The following SUPT3H variants were observed in gnomAD, a reference collection of about 807,000 sequenced individuals.
The protein encoded by SUPT3H is SPT3 homolog, SAGA and STAGA complex component.
Under a neutral mutation model 44.3 loss-of-function variants are expected in SUPT3H, and 44 were observed. The ratio of observed to expected loss-of-function variants is 0.99; its 90% CI spans 0.78 to 1.28. The LOEUF is 1.28. Ranked by LOEUF, SUPT3H falls within the 50% of genes most tolerant of loss-of-function variation. The probability of loss-of-function intolerance (pLI) is 0.00; values close to 1 mark genes in which losing one functional copy is unlikely to be tolerated. For missense variants in SUPT3H, 380 were observed against 387.1 expected (o/e 0.98, Z 0.15); for synonymous variants, 124 against 125.6 (o/e 0.99, Z 0.09).
At chr6:44,914,843 G>A (rs946328310) in intron 10 of SUPT3H, among the ~76,000 whole-genome samples, 4 of 152,188 alleles carry the variant, frequency 2.6e-5, no homozygotes, top group African/African-American at 9.7e-5. Flanking sequence ...TGGTCTACCT[G>A]AGGATACAGG....
chr6:45,361,229 T>C (rs1014336208), intron 2 of SUPT3H, among the ~76,000 whole-genome samples: 1 of 152,190 alleles, frequency 6.6e-6, no homozygotes, highest in African/African-American at 2.4e-5. Flanking sequence ...TAGATAAGGA[T>C]GAAATTTTCA....
At chr6:44,841,735 T>C (rs1318870187) in intron 10 of SUPT3H, among the ~76,000 whole-genome samples, 1 of 152,228 alleles carries the variant, frequency 6.6e-6, no homozygotes, top group Admixed American at 6.5e-5. Context: ...AGATGTCCCA[T>C]TGTAAGCATA....
intron 2 of SUPT3H, among the ~76,000 whole-genome samples, chr6:45,121,825 G>A (rs572817894): frequency 2.3e-4 from 35 of 151,910 alleles, no homozygotes; most frequent in Admixed American, 5.2e-4. Context: ...ACAGGCACCC[G>A]CCACCACGCC....
intron 2 of SUPT3H, among the ~76,000 whole-genome samples, chr6:45,115,156 C>T (rs1800651657): frequency 1.3e-5 from 2 of 151,992 alleles, no homozygotes; most frequent in African/African-American, 2.4e-5. Context: ...AGCATGCAAA[C>T]AGGAAAGTTT....
chr6:45,011,596 CAACAT>C (rs1783496649), intron 5 of SUPT3H, among the ~76,000 whole-genome samples: 1 of 151,920 alleles, frequency 6.6e-6, no homozygotes, highest in Non-Finnish European at 1.5e-5. Flanking sequence ...ATTACAGACC[CAACAT>C]AACAATTTTT....
chr6:45,162,329 G>A (rs1394198753), intron 2 of SUPT3H, among the ~76,000 whole-genome samples: 1 of 151,944 alleles, frequency 6.6e-6, no homozygotes, highest in East Asian at 1.9e-4. Context: ...TTTGAGGCAG[G>A]CCTGGGCAAC....
At chr6:45,043,662 G>A (rs761111690) in intron 3 of SUPT3H, among the ~76,000 whole-genome samples, 1 of 151,980 alleles carries the variant, frequency 6.6e-6, no homozygotes, top group Non-Finnish European at 1.5e-5. Flanking sequence ...TGCCTTCAAG[G>A]AGCTTATTCT....
At chr6:45,009,532 G>A (rs1239619624) in intron 5 of SUPT3H, among the ~76,000 whole-genome samples, 1 of 152,066 alleles carries the variant, frequency 6.6e-6, no homozygotes. Context: ...CTTGGACGTG[G>A]ATATCCAGTT....
chr6:44,894,783 C>A (rs890880091), intron 10 of SUPT3H, among the ~76,000 whole-genome samples: 1 of 151,188 alleles, frequency 6.6e-6, no homozygotes, highest in Admixed American at 6.6e-5. Context: ...TGAGAAAACG[C>A]CCTTATAGGC....
At chr6:44,955,736 G>T (rs1294493031) in intron 7 of SUPT3H, among the ~76,000 whole-genome samples, 1 of 152,168 alleles carries the variant, frequency 6.6e-6, no homozygotes, top group Non-Finnish European at 1.5e-5. Flanking sequence ...GAAAGGGTAG[G>T]AGGGGGGTGA....
chr6:44,879,245 G>T (rs1482665492), intron 10 of SUPT3H, among the ~76,000 whole-genome samples: 1 of 152,106 alleles, frequency 6.6e-6, no homozygotes, highest in Non-Finnish European at 1.5e-5. Context: ...TGGTGGGAGG[G>T]GCGTCCACCA....
chr6:45,221,160 G>A (rs779058545), intron 2 of SUPT3H, among the ~76,000 whole-genome samples: 48 of 152,234 alleles, frequency 3.2e-4, no homozygotes, highest in Non-Finnish European at 6.6e-4. Flanking sequence ...ACTCATAGGT[G>A]GGAACTGAAC....
chr6:45,009,523 T>C (rs1783177787), intron 5 of SUPT3H, among the ~76,000 whole-genome samples: 1 of 152,162 alleles, frequency 6.6e-6, no homozygotes, highest in African/African-American at 2.4e-5. Context: ...ATTCTTTCTC[T>C]TGGACGTGGA....
intron 10 of SUPT3H, among the ~76,000 whole-genome samples, chr6:44,918,611 T>C (rs1244065989): frequency 1.3e-5 from 2 of 152,006 alleles, no homozygotes; most frequent in Admixed American, 6.6e-5. Context: ...AATAAGATGA[T>C]TTAGAGGACA....
chr6:45,168,649 A>C (rs1176981805), intron 2 of SUPT3H, among the ~76,000 whole-genome samples: 1 of 152,160 alleles, frequency 6.6e-6, no homozygotes, highest in African/African-American at 2.4e-5. Context: ...ATTACTTATA[A>C]ACCCTGAGCC....
intron 5 of SUPT3H, among the ~76,000 whole-genome samples, chr6:45,008,646 T>C (rs1783048779): frequency 6.6e-6 from 1 of 152,138 alleles, no homozygotes; most frequent in Non-Finnish European, 1.5e-5. Context: ...TGAGCCACCA[T>C]ACTCGGCCTT....
At chr6:45,106,033 T>C (rs762797764) in intron 2 of SUPT3H, 27 bp from the exon 3 acceptor site, 1 of 1,553,718 alleles carries the variant, frequency 6.4e-7, no homozygotes, top group Non-Finnish European at 8.9e-7. Flanking sequence ...AACACACCAA[T>C]ATTAAGGACT....
intron 2 of SUPT3H, among the ~76,000 whole-genome samples, chr6:45,334,505 T>C (rs1465460581): frequency 2.2e-5 from 3 of 135,226 alleles, no homozygotes; most frequent in Non-Finnish European, 4.8e-5. Flanking sequence ...ACAATAACAA[T>C]CATCAATAAG....
At chr6:45,299,060 G>T (rs962596280) in intron 2 of SUPT3H, among the ~76,000 whole-genome samples, 27 of 152,056 alleles carry the variant, frequency 1.8e-4, no homozygotes, top group African/African-American at 6.5e-4. Flanking sequence ...AGAATTACAT[G>T]AAGTGCCCAG....
Sources: allele counts gnomAD v4.1 joint callset (sites outside exome capture counted in the v4.1 genomes callset), GRCh38; gene constraint gnomAD v4.1.1; transcripts MANE v1.5; gene names NCBI Gene and HGNC (gene_info 2026-07-23, HGNC 2026-07-21).